ZNF683: variants seen among roughly 807,000 people sequenced by gnomAD.
The protein encoded by ZNF683 is zinc finger protein 683, also known as tissue-resident T-cell transcription regulator protein ZNF683.
Under a neutral mutation model 31.4 loss-of-function variants are expected in ZNF683, and 20 were observed. The ratio of observed to expected loss-of-function variants is 0.64; its 90% confidence interval spans 0.45 to 0.93. The LOEUF is 0.93. Ranked by LOEUF, ZNF683 falls within the 40% of genes least tolerant of loss-of-function variation. ZNF683 has a pLI of 0.00. For synonymous variants in ZNF683, 264 were observed against 267.6 expected (o/e 0.99, Z 0.13); for missense variants, 621 against 637.2 (o/e 0.97, Z 0.27).
chr1:26,364,224 A>G (rs1341418071), intron 4 of ZNF683, among the ~76,000 whole-genome samples: 2 of 152,246 alleles, frequency 1.3e-5, no homozygotes, highest in Non-Finnish European at 1.5e-5. Context: ...GCAAATGTTG[A>G]GAGACTAAAC....
In ZNF683 at chr1:26,370,787, G is replaced by T. The variant is rs993055777; in HGVS notation, c.-15+1882C>A. 2.9e-5 allele frequency: 28 copies of T among 957,538 alleles called. No homozygotes were observed. The African/African-American group carries it at 4.6e-4, about 16-fold the overall frequency. 59.3% of individuals were successfully genotyped at this position (957,538 alleles called of 1,614,324 possible). A position where few individuals can be genotyped will look rare whatever the true frequency, so the allele number is the denominator to read the frequency against. On this transcript the variant is annotated intron_variant, in intron 1 of 5. Coordinates refer to ENST00000349618, the MANE Select transcript of ZNF683 (RefSeq NM_001114759.3). Reference sequence around the variant, plus strand: ...GAGATGGCAGGAAGGTGTTACATTTGAAGTTGCCACAGATAGGAAGTGGGG... The same window carrying T: ...GAGATGGCAGGAAGGTGTTACATTTTAAGTTGCCACAGATAGGAAGTGGGG...
At chr1:26,368,367 G>C in intron 2 of ZNF683, 91 bp downstream of exon 2, 1 of 1,412,454 alleles carries the variant, frequency 7.1e-7, no homozygotes, top group Non-Finnish European at 9.3e-7. Context: ...AGGAGATCTA[G>C]GTCCCTTCAG....
intron 1 of ZNF683, among the ~76,000 whole-genome samples, chr1:26,370,337 A>G (rs528062741): frequency 1.3e-5 from 2 of 152,160 alleles, no homozygotes; most frequent in Non-Finnish European, 2.9e-5. Flanking sequence ...TGAGTGGACC[A>G]AGCCCCCGGA....
At chr1:26,363,918 A>G (rs937083543) in intron 4 of ZNF683, among the ~76,000 whole-genome samples, 1 of 152,126 alleles carries the variant, frequency 6.6e-6, no homozygotes, top group Non-Finnish European at 1.5e-5. Flanking sequence ...CCATAACCAC[A>G]ATGTGCCTTC....
Position 26,361,786 on chromosome 1 carries a change from C to A in ZNF683, c.1380G>T (p.Ala460=). ...AGCCCATGTGTTTCTCAGATGCCAC[C>A]GCCATAAGATCTAGTGCCCCCTGGT... is the stretch of plus-strand genomic sequence containing the variant. ...QWHQGALDLM[A]VASEKHMGYD... Residue 460 remains alanine, a synonymous_variant, in exon 6 of 6, where the codon GCG becomes GCT. Coordinates refer to ENST00000349618, the MANE Select transcript of ZNF683 (RefSeq NM_001114759.3). The A allele has an allele frequency of 6.2e-7, 1 of 1,614,060 alleles. No homozygotes were observed. Among genetic ancestry groups the A allele is most frequent in the Non-Finnish European group, 8.5e-7 (1 of 1,179,912 alleles).
Position 26,361,853 on chromosome 1 carries a change from G to T in ZNF683, c.1313C>A (p.Thr438Asn). 2 of 1,614,042 alleles carry T rather than the reference G, an allele frequency of 1.2e-6. No homozygotes were observed. The highest frequency in any genetic ancestry group is 1.7e-6 in the Non-Finnish European group (2 of 1,179,908). The stretch of plus-strand genomic sequence containing the variant: ...GGCCAGAGAGGCCAGGGGCAGCTGG[G>T]TGTGCACCAGGCCACAGGGCTGTGG... Reference protein sequence around the residue: ...HAPQPCGLVHTQLPLASLACL... With the variant: ...HAPQPCGLVHNQLPLASLACL... The change falls in exon 6 of 6, where the codon ACC becomes AAC. Residue 438 changes from threonine to asparagine, a missense_variant. Thr to Asn is a moderately conservative substitution (Grantham distance 65). Coordinates refer to ENST00000349618, the MANE Select transcript of ZNF683 (RefSeq NM_001114759.3).
In ZNF683 at chr1:26,364,957, G is replaced by T. The variant is rs144836377; in HGVS notation, c.589C>A (p.Pro197Thr). 3.6e-5 allele frequency: 56 copies of T among 1,563,180 alleles called. No individual in the cohort carries two copies. Among genetic ancestry groups the T allele is most frequent in the Non-Finnish European group, 4.6e-5 (53 of 1,158,080 alleles). ...AGGTGGGGTGGAGGCAGGAGAAGTGGGTATCCAGGGTAGAAGGCGTGGAGG... is the reference window on the plus strand; with the variant it reads ...AGGTGGGGTGGAGGCAGGAGAAGTGTGTATCCAGGGTAGAAGGCGTGGAGG... Reference protein sequence around the residue: ...FLLHAFYPGYPLLLPPPHLFT... With the variant: ...FLLHAFYPGYTLLLPPPHLFT... Residue 197 changes from proline (P) to threonine (T), a missense_variant, in exon 4 of 6, where the codon CCA becomes ACA. By Grantham distance (38) the Pro-to-Thr change is conservative. Transcript: ENST00000349618.
intron 1 of ZNF683, chr1:26,370,807 G>C: frequency 2.3e-6 from 2 of 868,162 alleles, no homozygotes; most frequent in Non-Finnish European, 2.8e-6. Context: ...CAGATAGGAA[G>C]TGGGGGCAGG....
rs1164062311 is a variant in ZNF683 at position 26,367,479 on chromosome 1, T to C, written c.319+114A>G. ...ATGTGGAAGTAAAGTGTGCCTAAGC[T>C]CTGTCTTCATCAGTGACACTGCGTC... On this transcript the variant is annotated intron_variant, in intron 3 of 5. Transcript: ENST00000349618. 3 of 1,170,268 alleles carry C rather than the reference T, an allele frequency of 2.6e-6. No individual in the cohort carries two copies. The African/African-American group carries it at 4.7e-5, about 18-fold the overall frequency. The allele number at this position is 1,170,268 out of a possible 1,614,324, so 72.5% of individuals were successfully genotyped here. A position where few individuals can be genotyped will look rare whatever the true frequency, so the allele number is the denominator to read the frequency against.
At chr1:26,364,304 T>G (rs1279124282) in intron 4 of ZNF683, among the ~76,000 whole-genome samples, 1 of 152,174 alleles carries the variant, frequency 6.6e-6, no homozygotes, top group African/African-American at 2.4e-5. Flanking sequence ...TCTCCCCATT[T>G]TAACCTAAAT....
intron 3 of ZNF683, 95 bp downstream of exon 3, chr1:26,367,498 C>A: frequency 7.7e-7 from 1 of 1,296,646 alleles, no homozygotes; most frequent in South Asian, 1.6e-5. Context: ...ATCAGTGACA[C>A]TGCGTCCTCT....
chr1:26,372,811 C>T, upstream of ZNF683: 1 of 1,186,566 alleles, frequency 8.4e-7, no homozygotes, highest in Non-Finnish European at 1.1e-6. Context: ...ACATTTAGGC[C>T]TGTGACATCA....
intron 1 of ZNF683, 125 bp downstream of exon 1, chr1:26,372,544 C>T (rs902914878): frequency 2.3e-5 from 30 of 1,304,852 alleles, no homozygotes; most frequent in Non-Finnish European, 2.9e-5. Context: ...CCTTTGGCTT[C>T]CATCTGCCAG....
At chr1:26,370,256 G>T (rs1277671213) in intron 1 of ZNF683, among the ~76,000 whole-genome samples, 1 of 152,178 alleles carries the variant, frequency 6.6e-6, no homozygotes, top group Non-Finnish European at 1.5e-5. Context: ...CTTCTGGACA[G>T]CTGAGGACAC....
At chr1:26,362,934 T>C in intron 5 of ZNF683, 92 bp downstream of exon 5, 2 of 1,477,624 alleles carry the variant, frequency 1.4e-6, no homozygotes, top group Non-Finnish European at 1.8e-6. Context: ...TCAGGAGGAC[T>C]GGGGAATGGA....
rs758520350 is a variant in ZNF683, at chr1:26,364,863, T to A, written c.683A>T (p.Tyr228Phe). The change falls in exon 4 of 6, where the codon TAC becomes TTC. Residue 228 changes from tyrosine to phenylalanine, a missense_variant. Tyr to Phe is a conservative substitution (Grantham distance 22, BLOSUM62 3). Transcript: ENST00000349618. Reference protein sequence around the residue: ...HLLMLPQDPSYPTMAMPSLLM... With the variant: ...HLLMLPQDPSFPTMAMPSLLM... ...CAGGCTAGGCATAGCCATGGTGGGGTAGGAGGGGTCTTGGGGCAGCATGAG... is the reference window on the plus strand; with the variant it reads ...CAGGCTAGGCATAGCCATGGTGGGGAAGGAGGGGTCTTGGGGCAGCATGAG... The A allele has an allele frequency of 6.4e-7, 1 of 1,554,188 alleles. No individual in the cohort carries two copies. Among genetic ancestry groups the A allele is most frequent in the Admixed American group, 1.9e-5 (1 of 51,744 alleles).
At chr1:26,369,289 C>T (rs867800950) in intron 1 of ZNF683, among the ~76,000 whole-genome samples, 31 of 152,042 alleles carry the variant, frequency 2.0e-4, no homozygotes, top group African/African-American at 7.0e-4. Flanking sequence ...AAAAGGGAGA[C>T]CCAGGCAGAT....
chr1:26,369,121 T>C (rs989301976), intron 1 of ZNF683, among the ~76,000 whole-genome samples: 63 of 152,078 alleles, frequency 4.1e-4, no homozygotes, highest in African/African-American at 1.4e-3. Flanking sequence ...GGTGCATGCC[T>C]ATAATCCCAG....
chr1:26,362,093 T>G, intron 5 of ZNF683, 71 bp from the exon 6 acceptor site: 2 of 1,613,746 alleles, frequency 1.2e-6, no homozygotes, highest in Non-Finnish European at 1.7e-6. Flanking sequence ...CCTCTCCTCA[T>G]CTTGGAAATA....
Sources: gnomAD v4.1 joint callset for allele counts (sites outside exome capture counted in the v4.1 genomes callset) on GRCh38, gnomAD v4.1.1 for gene constraint, MANE v1.5 for transcripts, NCBI Gene and HGNC (gene_info 2026-07-23, HGNC 2026-07-21) for gene names.